The following CSRNP3 variants were observed in gnomAD, a reference collection of about 807,000 sequenced individuals.
CSRNP3 encodes the protein cysteine and serine rich nuclear protein 3, also known as cysteine/serine-rich nuclear protein 3.
CSRNP3 carries 12 observed loss-of-function variants against 48.0 expected under a neutral mutation model. The ratio of observed to expected loss-of-function variants is 0.25; its 90% CI spans 0.16 to 0.41. The LOEUF is 0.41. Ranked by LOEUF, CSRNP3 falls within the 10% of genes least tolerant of loss-of-function variation. CSRNP3 has a pLI of 1.00. For missense variants in CSRNP3, 580 were observed against 724.4 expected, an observed-to-expected ratio of 0.80 and a Z score of 2.29; for synonymous variants, 263 against 269.7, an observed-to-expected ratio of 0.98 and a Z score of 0.24.
rs142004539 is a variant in CSRNP3 at position 165,497,218 on chromosome 2, A to T, written c.-113+2290A>T. 7.2e-5 allele frequency among the ~76,000 whole-genome samples: 11 copies of T among 152,194 alleles called. No homozygotes were observed. In the East Asian group the frequency reaches 2.1e-3, roughly 29 times the overall value. On this transcript the variant is annotated intron_variant, in intron 2 of 6. Coordinates refer to ENST00000651982, the MANE Select transcript of CSRNP3 (RefSeq NM_001172173.2). The stretch of plus-strand genomic sequence containing the variant: ...ACATATCCACTGTGGTCAGAGGAGA[A>T]TACTTAAGCTATTGAAGAAGGCAGC...
Position 165,676,437 on chromosome 2 carries a change from A to C in CSRNP3, c.534A>C (p.Pro178=). ...AGTACTTCTTCCTACAACCTTTGCCAACAAAAAAACGAAGAGCTCTGCTGC... is the reference window on the plus strand; with the variant it reads ...AGTACTTCTTCCTACAACCTTTGCCCACAAAAAAACGAAGAGCTCTGCTGC... ...VDEYFFLQPL[P]TKKRRALLRA... is the part of the protein sequence containing the mutation. Residue 178 remains proline (P), a synonymous_variant, in exon 6 of 7, where the codon CCA becomes CCC. Transcript: ENST00000651982. 1 of 1,614,176 alleles carries C rather than the reference A, an allele frequency of 6.2e-7. No individual in the cohort carries two copies. Among genetic ancestry groups the C allele is most frequent in the Non-Finnish European group, 8.5e-7 (1 of 1,179,998 alleles).
chr2:165,524,208 A>G (rs1684702420), intron 3 of CSRNP3, among the ~76,000 whole-genome samples: 1 of 152,188 alleles, frequency 6.6e-6, no homozygotes. Flanking sequence ...TAAAAGAGAC[A>G]ATTCAAATAG....
rs763673221 is a variant in CSRNP3, at chr2:165,679,819, G to A, written c.*66G>A. 1.8e-4 allele frequency: 271 copies of A among 1,536,626 alleles called. No individual in the cohort carries two copies. Among genetic ancestry groups the A allele is most frequent in the Non-Finnish European group, 2.2e-4 (257 of 1,143,766 alleles). ...GGCACTGTATTTAATTGGATTTCCTGGGCTCATCATTGTTTAAACTGAAGA... is the reference window on the plus strand; with the variant it reads ...GGCACTGTATTTAATTGGATTTCCTAGGCTCATCATTGTTTAAACTGAAGA... On this transcript the variant is annotated 3_prime_UTR_variant, in exon 7 of 7. Coordinates refer to ENST00000651982, the MANE Select transcript of CSRNP3 (RefSeq NM_001172173.2).
intron 4 of CSRNP3, among the ~76,000 whole-genome samples, chr2:165,624,632 T>C (rs1686397637): frequency 6.6e-6 from 1 of 152,156 alleles, no homozygotes; most frequent in Admixed American, 6.5e-5. Flanking sequence ...GCCTGGGTTT[T>C]CTTCTCTTAA....
chr2:165,574,305 T>C, intron 3 of CSRNP3: 1 of 1,406,234 alleles, frequency 7.1e-7, no homozygotes, highest in Non-Finnish European at 9.8e-7. Context: ...GCTGGATCAG[T>C]TGCCTGAAAA....
At chr2:165,552,532 A>T (rs73969298) in intron 3 of CSRNP3, among the ~76,000 whole-genome samples, 1 of 152,276 alleles carries the variant, frequency 6.6e-6, no homozygotes. Flanking sequence ...ATCACTTTGT[A>T]GTTACATCTC....
At chr2:165,489,260 C>T (rs1230817248) in intron 1 of CSRNP3, among the ~76,000 whole-genome samples, 1 of 150,770 alleles carries the variant, frequency 6.6e-6, no homozygotes, top group Admixed American at 6.6e-5. Context: ...GAAGTTGAAT[C>T]TCTGAATAGA....
intron 3 of CSRNP3, among the ~76,000 whole-genome samples, chr2:165,547,354 A>G (rs1161566988): frequency 6.6e-6 from 1 of 152,198 alleles, no homozygotes; most frequent in Non-Finnish European, 1.5e-5. Context: ...AAAAACTTTC[A>G]CAGATAATGC....
chr2:165,558,788 G>T (rs1352537060), intron 3 of CSRNP3, among the ~76,000 whole-genome samples: 1 of 152,140 alleles, frequency 6.6e-6, no homozygotes, highest in African/African-American at 2.4e-5. Flanking sequence ...AATTAATTTT[G>T]CCAGCACTCA....
At chr2:165,666,167 AGAGAAAGG>A (rs1687194753) in intron 5 of CSRNP3, among the ~76,000 whole-genome samples, 1 of 145,038 alleles carries the variant, frequency 6.9e-6, no homozygotes, top group African/African-American at 2.6e-5. Context: ...AAAGAGAGAG[AGAGAAAGG>A]AAGGAAGGAA....
intron 4 of CSRNP3, among the ~76,000 whole-genome samples, chr2:165,600,968 T>G (rs1404134902): frequency 6.6e-6 from 1 of 152,226 alleles, no homozygotes; most frequent in Non-Finnish European, 1.5e-5. Context: ...AGCTTTCTGT[T>G]AAAATATCCA....
At chr2:165,516,589 T>C (rs1374796599) in intron 2 of CSRNP3, among the ~76,000 whole-genome samples, 1 of 152,138 alleles carries the variant, frequency 6.6e-6, no homozygotes, top group Non-Finnish European at 1.5e-5. Flanking sequence ...ATGTTATCTG[T>C]CAATTTTTTA....
At chr2:165,568,878 A>T (rs2105272640) in intron 3 of CSRNP3, among the ~76,000 whole-genome samples, 1 of 152,176 alleles carries the variant, frequency 6.6e-6, no homozygotes, top group South Asian at 2.1e-4. Context: ...TTGATAAATT[A>T]TTTTAAATTA....
chr2:165,490,237 A>G (rs1257920841), intron 1 of CSRNP3, among the ~76,000 whole-genome samples: 3 of 151,164 alleles, frequency 2.0e-5, no homozygotes, highest in African/African-American at 7.4e-5. Context: ...AATCCAACTT[A>G]CAAGGGATGT....
chr2:165,623,855 C>T (rs1686384064), intron 4 of CSRNP3, among the ~76,000 whole-genome samples: 1 of 152,180 alleles, frequency 6.6e-6, no homozygotes, highest in Non-Finnish European at 1.5e-5. Context: ...CTTTTTCTAA[C>T]TCTCTTCCTT....
chr2:165,666,910 C>T (rs141808652), intron 5 of CSRNP3, among the ~76,000 whole-genome samples: 752 of 25,084 alleles, frequency 0.03, 160 homozygotes, highest in African/African-American at 0.075. Context: ...AAAGGAAGGG[C>T]GGAAGGAAGG....
At chr2:165,544,091 A>G (rs1481125251) in intron 3 of CSRNP3, among the ~76,000 whole-genome samples, 1 of 152,058 alleles carries the variant, frequency 6.6e-6, no homozygotes, top group Admixed American at 6.6e-5. Context: ...AGAAAGTGAT[A>G]TGGAATAAAA....
intron 5 of CSRNP3, among the ~76,000 whole-genome samples, chr2:165,672,917 G>A (rs78347823): frequency 0.024 from 3,581 of 152,172 alleles, 139 homozygotes; most frequent in African/African-American, 0.082. Context: ...TGTCTCGAAG[G>A]CTACACACCA....
chr2:165,507,641 G>A (rs146588072), intron 2 of CSRNP3, among the ~76,000 whole-genome samples: 22 of 151,984 alleles, frequency 1.4e-4, no homozygotes, highest in African/African-American at 5.3e-4. Flanking sequence ...TTGGCATTAC[G>A]TACTCCATGT....
Sources: allele counts gnomAD v4.1 joint callset (sites outside exome capture counted in the v4.1 genomes callset), GRCh38; gene constraint gnomAD v4.1.1; transcripts MANE v1.5; gene names NCBI Gene and HGNC (gene_info 2026-07-23, HGNC 2026-07-21).